Variants in ARID2 observed in about 807,000 individuals in gnomAD.
ARID2 encodes AT-rich interaction domain 2.
A neutral mutation model predicts 184.6 loss-of-function variants in ARID2; 32 were observed. The observed-to-expected ratio is 0.17, with a 90% CI of 0.13 to 0.23. The LOEUF is 0.23. Ranked by LOEUF, ARID2 falls within the 10% of genes least tolerant of loss-of-function variation. The probability of loss-of-function intolerance (pLI) is 1.00; values close to 1 mark genes in which losing one functional copy is unlikely to be tolerated. For missense variants in ARID2, 1,696 were observed against 2,197.6 expected, an observed-to-expected ratio of 0.77 and a Z score of 4.56; for synonymous variants, 836 against 772.6, an observed-to-expected ratio of 1.08 and a Z score of -1.36.
intron 11 of ARID2, chr12:45,840,112 C>T (rs1476845605): frequency 3.3e-5 from 5 of 152,154 alleles, no homozygotes; most frequent in Non-Finnish European, 4.4e-5. Flanking sequence ...TCCACTGGCT[C>T]ATTATGAGTC....
At chr12:45,792,829 T>A (rs1047766975) in intron 3 of ARID2, among the ~76,000 whole-genome samples, 2 of 152,188 alleles carry the variant, frequency 1.3e-5, no homozygotes, top group African/African-American at 2.4e-5. Context: ...TTAAAGTGTG[T>A]TATCTGATAT....
intron 11 of ARID2, chr12:45,839,743 G>A (rs1943303958): frequency 2.8e-6 from 1 of 351,866 alleles, no homozygotes; most frequent in African/African-American, 2.1e-5. Flanking sequence ...GTAATGTGAT[G>A]AATTAGATAT....
chr12:45,781,581 AT>A (rs926014952), intron 3 of ARID2, among the ~76,000 whole-genome samples: 1 of 151,274 alleles, frequency 6.6e-6, no homozygotes, highest in Non-Finnish European at 1.5e-5. Context: ...TTCTGTTATA[AT>A]TTTTCTTGGA....
At chr12:45,817,923 C>T (rs1459360892) in intron 5 of ARID2, 35 bp downstream of exon 5, 1 of 1,518,832 alleles carries the variant, frequency 6.6e-7, no homozygotes, top group South Asian at 1.3e-5. Context: ...TATAATTCTT[C>T]TGTAAAAGTT....
intron 3 of ARID2, among the ~76,000 whole-genome samples, chr12:45,756,290 GA>G (rs1430276289): frequency 6.6e-6 from 1 of 152,200 alleles, no homozygotes; most frequent in Non-Finnish European, 1.5e-5. Context: ...GACTGTTCAG[GA>G]AAGATACTTG....
At chr12:45,791,972 A>T (rs1942300884) in intron 3 of ARID2, among the ~76,000 whole-genome samples, 1 of 151,492 alleles carries the variant, frequency 6.6e-6, no homozygotes, top group Non-Finnish European at 1.5e-5. Flanking sequence ...TTTCTTTTCC[A>T]CCCCCATCAG....
At chr12:45,900,666 T>C (rs181301286) in intron 20 of ARID2, among the ~76,000 whole-genome samples, 108 of 152,350 alleles carry the variant, frequency 7.1e-4, no homozygotes, top group African/African-American at 2.5e-3. Context: ...TATTTTCTTT[T>C]CTTGTTTTAC....
At chr12:45,858,095 A>G (rs1327601157) in intron 15 of ARID2, among the ~76,000 whole-genome samples, 1 of 152,196 alleles carries the variant, frequency 6.6e-6, no homozygotes, top group Non-Finnish European at 1.5e-5. Context: ...ATTCAGAGTA[A>G]ATACAATTCT....
intron 6 of ARID2, among the ~76,000 whole-genome samples, chr12:45,825,615 C>T (rs770026069): frequency 6.6e-6 from 1 of 152,070 alleles, no homozygotes; most frequent in Non-Finnish European, 1.5e-5. Context: ...ACTTACTTGA[C>T]AATTTTAGAG....
intron 3 of ARID2, among the ~76,000 whole-genome samples, chr12:45,797,685 C>T (rs552164310): frequency 6.6e-6 from 1 of 151,902 alleles, no homozygotes; most frequent in South Asian, 2.1e-4. Flanking sequence ...TTCTTACTCA[C>T]CTGGAATTTG....
At chr12:45,835,770 C>T (rs1030934078) in intron 6 of ARID2, among the ~76,000 whole-genome samples, 1 of 151,876 alleles carries the variant, frequency 6.6e-6, no homozygotes, top group Non-Finnish European at 1.5e-5. Flanking sequence ...CGTGGTGGCG[C>T]GTGCCTATAA....
At chr12:45,887,367 CCTTT>C (rs954473272) in intron 16 of ARID2, among the ~76,000 whole-genome samples, 137 of 152,204 alleles carry the variant, frequency 9.0e-4, no homozygotes, top group Admixed American at 3.9e-3. Context: ...AATTCTGGTT[CCTTT>C]CTTTTGAAAA....
intron 3 of ARID2, among the ~76,000 whole-genome samples, chr12:45,788,443 A>AGC (rs1196929318): frequency 1.3e-5 from 2 of 152,196 alleles, no homozygotes; most frequent in Admixed American, 6.5e-5. Flanking sequence ...ACACTGTTTA[A>AGC]GCATACTCTA....
intron 5 of ARID2, among the ~76,000 whole-genome samples, chr12:45,821,079 A>G (rs930257190): frequency 6.6e-6 from 1 of 152,176 alleles, no homozygotes; most frequent in African/African-American, 2.4e-5. Context: ...TGGAAATTTA[A>G]TAGCAATAAC....
chr12:45,854,323 C>G (rs968791084), intron 15 of ARID2, among the ~76,000 whole-genome samples: 2 of 152,126 alleles, frequency 1.3e-5, no homozygotes, highest in African/African-American at 4.8e-5. Context: ...TGTATCACCC[C>G]AAAACCATCT....
intron 13 of ARID2, 78 bp from the exon 14 acceptor site, chr12:45,849,502 C>T: frequency 8.7e-7 from 1 of 1,149,950 alleles, no homozygotes; most frequent in Non-Finnish European, 1.2e-6. Context: ...AAACATACTG[C>T]TGTTGTTCAT....
chr12:45,838,878 T>G, intron 10 of ARID2, among the ~76,000 whole-genome samples: 1 of 151,574 alleles, frequency 6.6e-6, no homozygotes, highest in Non-Finnish European at 1.5e-5. Flanking sequence ...GTTTTTTTTT[T>G]TTTTTGAGAC....
At chr12:45,767,951 G>C (rs773998452) in intron 3 of ARID2, among the ~76,000 whole-genome samples, 5 of 152,128 alleles carry the variant, frequency 3.3e-5, no homozygotes, top group Non-Finnish European at 7.4e-5. Context: ...GGTGAAACTG[G>C]AAAAAGCAGT....
intron 3 of ARID2, among the ~76,000 whole-genome samples, chr12:45,793,683 T>TTA (rs1188971685): frequency 3.3e-5 from 5 of 151,424 alleles, no homozygotes; most frequent in Non-Finnish European, 5.9e-5. Context: ...TTCTACATAT[T>TTA]TATATATACA....
Sources: allele counts gnomAD v4.1 joint callset (sites outside exome capture counted in the v4.1 genomes callset), GRCh38; gene constraint gnomAD v4.1.1; transcripts MANE v1.5; gene names NCBI Gene and HGNC (gene_info 2026-07-23, HGNC 2026-07-21).